UBXN2B: variants seen among roughly 807,000 people sequenced by gnomAD.
UBXN2B encodes the protein UBX domain protein 2B, also known as UBX domain-containing protein 2B.
A neutral mutation model predicts 37.5 loss-of-function variants in UBXN2B; 19 were observed. The observed-to-expected ratio is 0.51, with a 90% CI of 0.35 to 0.74. The LOEUF (loss-of-function observed/expected upper bound fraction) is 0.74, where lower values mean the gene tolerates loss of function less well. UBXN2B is among the 30% of genes least tolerant of loss of function. The pLI is 0.01. For missense variants in UBXN2B, 370 were observed against 393.2 expected, an observed-to-expected ratio of 0.94 and a Z score of 0.50; for synonymous variants, 145 against 143.8, an observed-to-expected ratio of 1.01 and a Z score of -0.06.
At chr8:58,413,314 T>G (rs1807686067) in intron 1 of UBXN2B, 1 of 152,222 alleles carries the variant, frequency 6.6e-6, no homozygotes, top group African/African-American at 2.4e-5. Flanking sequence ...AATATGAATG[T>G]GAAGAACTTG....
chr8:58,423,425 T>G (rs1393411765), intron 2 of UBXN2B, among the ~76,000 whole-genome samples: 3 of 139,316 alleles, frequency 2.2e-5, no homozygotes, highest in Non-Finnish European at 4.8e-5. Flanking sequence ...TGGGGGTGGG[T>G]TTTTTTTTTG....
At chr8:58,424,523 T>G in intron 2 of UBXN2B, 1 of 754,366 alleles carries the variant, frequency 1.3e-6, no homozygotes, top group Non-Finnish European at 2.2e-6. Flanking sequence ...TTGCGAAAGT[T>G]TGATCTTTTT....
chr8:58,448,144 TAAACAG>T lies in UBXN2B; in HGVS notation c.*599_*604del, dbSNP rs1490263756. On this transcript the variant is annotated 3_prime_UTR_variant, in exon 8 of 8. Transcript: ENST00000399598. Reference sequence around the variant, plus strand: ...TACAGAATTATGACTGTTGTGAACTTAAACAGAAACACATAAAGGTCAGCAATTCTT... The same window carrying T: ...TACAGAATTATGACTGTTGTGAACTTAAACACATAAAGGTCAGCAATTCTT... 4 of 152,004 alleles carry T rather than the reference TAAACAG, an allele frequency of 2.6e-5. No individual in the cohort carries two copies. Among genetic ancestry groups the T allele is most frequent in the African/African-American group, 9.7e-5 (4 of 41,374 alleles). The allele number at this position is 152,004 out of a possible 1,614,324, so 9.4% of individuals were successfully genotyped here.
chr8:58,414,818 C>T (rs1807730485), intron 1 of UBXN2B, among the ~76,000 whole-genome samples: 1 of 152,140 alleles, frequency 6.6e-6, no homozygotes, highest in Non-Finnish European at 1.5e-5. Context: ...TCATTTTCCT[C>T]ATATTCCTCT....
At position 58,451,431 on chromosome 8, in the gene UBXN2B, T is replaced by G. The variant is rs1327070730; in HGVS notation, c.*3880T>G. 1 of 152,240 alleles carries G rather than the reference T, an allele frequency of 6.6e-6. No individual in the cohort carries two copies. Among genetic ancestry groups the G allele is most frequent in the Admixed American group, 6.5e-5 (1 of 15,288 alleles). The allele number at this position is 152,240 out of a possible 1,614,324, so 9.4% of individuals were successfully genotyped here. On this transcript the variant is annotated 3_prime_UTR_variant, in exon 8 of 8. Transcript: ENST00000399598. ...ACAACCATCTGTGAGGTCAGTCATT[T>G]TGCATGATGTATGTAATCAAAAAGT...
intron 2 of UBXN2B, among the ~76,000 whole-genome samples, chr8:58,429,880 A>T (rs561299371): frequency 2.6e-5 from 4 of 152,360 alleles, no homozygotes; most frequent in South Asian, 4.1e-4. Flanking sequence ...AAAGTAGGTT[A>T]TTAATCTTAC....
chr8:58,413,743 G>A (rs1431989192), intron 1 of UBXN2B, among the ~76,000 whole-genome samples: 1 of 152,030 alleles, frequency 6.6e-6, no homozygotes, highest in Admixed American at 6.5e-5. Flanking sequence ...GAGCCCCCAG[G>A]TTACAAACTG....
chr8:58,428,974 G>A (rs1323219723), intron 2 of UBXN2B, among the ~76,000 whole-genome samples: 1 of 152,184 alleles, frequency 6.6e-6, no homozygotes, highest in African/African-American at 2.4e-5. Context: ...CATATGGGTT[G>A]TGGATCTAAA....
chr8:58,437,998 G>A (rs1434072576), intron 5 of UBXN2B, among the ~76,000 whole-genome samples: 7 of 149,826 alleles, frequency 4.7e-5, no homozygotes, highest in Non-Finnish European at 8.9e-5. Context: ...GGAGAAAAGT[G>A]TAGTTTTGGA....
rs1247467085 is a variant in UBXN2B, at chr8:58,447,582, G to A, written c.*31G>A. On this transcript the variant is annotated 3_prime_UTR_variant, in exon 8 of 8. Transcript: ENST00000399598. ...TTCCTGTCCATGCAGTAGCATGTGG[G>A]AATAGATGATGTGCCGTATTAATAA... 6.5e-7 allele frequency: 1 copy of A among 1,546,916 alleles called. No individual in the cohort carries two copies. Among genetic ancestry groups the A allele is most frequent in the African/African-American group, 1.4e-5 (1 of 73,698 alleles).
Position 58,448,292 on chromosome 8 carries a change from G to A in UBXN2B, c.*741G>A, listed in dbSNP as rs1268414508. The A allele has an allele frequency of 6.6e-6, 1 of 151,298 alleles. No individual in the cohort carries two copies. The highest frequency in any genetic ancestry group is 1.5e-5 in the Non-Finnish European group (1 of 67,996). 9.4% of individuals were successfully genotyped at this position (151,298 alleles called of 1,614,324 possible). A position where few individuals can be genotyped will look rare whatever the true frequency, so the allele number is the denominator to read the frequency against. On this transcript the variant is annotated 3_prime_UTR_variant, in exon 8 of 8. Coordinates refer to ENST00000399598, the MANE Select transcript of UBXN2B (RefSeq NM_001077619.2). The stretch of plus-strand genomic sequence containing the variant: ...AGGTTCAAAAGATTCTCCTGCCTTA[G>A]CCTCCCAAGTAGCTGGGATTACAGG...
intron 2 of UBXN2B, among the ~76,000 whole-genome samples, chr8:58,420,524 A>G (rs894166151): frequency 3.3e-5 from 5 of 152,256 alleles, no homozygotes; most frequent in African/African-American, 7.2e-5. Context: ...TCAATAAAAT[A>G]TTAAATATCT....
intron 4 of UBXN2B, 150 bp downstream of exon 4, chr8:58,433,393 G>A: frequency 5.2e-6 from 3 of 580,140 alleles, no homozygotes; most frequent in South Asian, 4.8e-5. Context: ...TGAGTTTTCA[G>A]TCTCGATCTT....
At chr8:58,433,577 C>A (rs1808336968) in intron 4 of UBXN2B, among the ~76,000 whole-genome samples, 1 of 148,780 alleles carries the variant, frequency 6.7e-6, no homozygotes, top group Non-Finnish European at 1.5e-5. Flanking sequence ...AAGTTCAAGG[C>A]CAGCCCGGAA....
chr8:58,422,254 A>C (rs1043995305), intron 2 of UBXN2B, among the ~76,000 whole-genome samples: 1 of 151,936 alleles, frequency 6.6e-6, no homozygotes, highest in Admixed American at 6.6e-5. Context: ...GGGGGCAGGG[A>C]TAGGGGCTGA....
At chr8:58,418,241 C>CAAAAAAAAAAAAA (rs56073006) in intron 2 of UBXN2B, among the ~76,000 whole-genome samples, 1 of 109,128 alleles carries the variant, frequency 9.2e-6, no homozygotes, top group African/African-American at 3.7e-5. Flanking sequence ...ACTCTGTCTC[C>CAAAAAAAAAAAAA]AAAAAAAAAA....
Position 58,416,835 on chromosome 8 carries a change from C to G in UBXN2B, c.85-15C>G. 6.2e-7 allele frequency: 1 copy of G among 1,604,630 alleles called. No homozygotes were observed. The highest frequency in any genetic ancestry group is 2.2e-5 in the East Asian group (1 of 44,668). On this transcript the variant is annotated splice_polypyrimidine_tract_variant and intron_variant, in intron 1 of 7. Transcript: ENST00000399598. ...TCCTAGTGTTATACTTTGTAACAAG[C>G]CTGTTATTATGTAGTTGGCCTTGGC...
At chr8:58,433,657 C>T (rs1049387791) in intron 4 of UBXN2B, among the ~76,000 whole-genome samples, 1 of 150,264 alleles carries the variant, frequency 6.7e-6, no homozygotes, top group Admixed American at 6.6e-5. Flanking sequence ...GAACTTGGGC[C>T]AGGCACAGTG....
At chr8:58,423,138 A>G (rs931483374) in intron 2 of UBXN2B, among the ~76,000 whole-genome samples, 2 of 152,078 alleles carry the variant, frequency 1.3e-5, no homozygotes, top group Non-Finnish European at 2.9e-5. Context: ...GGGCAGTAGA[A>G]GGGAAGCTGC....
Sources: gnomAD v4.1 joint callset for allele counts (sites outside exome capture counted in the v4.1 genomes callset) on GRCh38, gnomAD v4.1.1 for gene constraint, MANE v1.5 for transcripts, NCBI Gene and HGNC (gene_info 2026-07-23, HGNC 2026-07-21) for gene names.